The following TNIK variants were observed in gnomAD, a reference collection of about 807,000 sequenced individuals.
TNIK encodes TRAF2 and NCK-interacting protein kinase.
Under a neutral mutation model 191.3 loss-of-function variants are expected in TNIK, and 49 were observed. That is an observed-to-expected ratio of 0.26 (90% CI 0.20 to 0.32). The LOEUF (loss-of-function observed/expected upper bound fraction) is 0.32. Among genes scored for constraint, TNIK ranks in the 10% least tolerant of loss-of-function variants. The probability of loss-of-function intolerance (pLI) is 1.00; values close to 1 mark genes in which losing one functional copy is unlikely to be tolerated. For missense variants in TNIK, 1,155 were observed against 1,702.3 expected (o/e 0.68, Z 5.66); for synonymous variants, 594 against 600.9 (o/e 0.99, Z 0.17).
chr3:171,306,136 CTCACTTA>C (rs1158809556), intron 2 of TNIK, among the ~76,000 whole-genome samples: 1 of 152,128 alleles, frequency 6.6e-6, no homozygotes. Flanking sequence ...ACCACATGTT[CTCACTTA>C]TAAGTGGGAG....
intron 19 of TNIK, among the ~76,000 whole-genome samples, chr3:171,108,722 T>C (rs1312792316): frequency 2.0e-5 from 3 of 152,206 alleles, no homozygotes; most frequent in African/African-American, 7.2e-5. Context: ...AAAAAATTTA[T>C]TTTATTTGGT....
intron 18 of TNIK, among the ~76,000 whole-genome samples, chr3:171,112,246 A>G (rs76953362): frequency 1.4e-4 from 21 of 152,314 alleles, no homozygotes; most frequent in Middle Eastern, 6.8e-3. Context: ...CCATTGGTAG[A>G]CACAAGCATA....
chr3:171,359,561 G>A (rs1197903852), intron 2 of TNIK, among the ~76,000 whole-genome samples: 2 of 152,122 alleles, frequency 1.3e-5, no homozygotes, highest in Non-Finnish European at 2.9e-5. Context: ...AGCAATATCA[G>A]AGGCCACTGC....
intron 2 of TNIK, among the ~76,000 whole-genome samples, chr3:171,256,628 G>C (rs966599604): frequency 1.3e-5 from 2 of 152,172 alleles, no homozygotes; most frequent in African/African-American, 4.8e-5. Flanking sequence ...AGGTCAGAAA[G>C]AACTTTACAA....
chr3:171,417,805 G>C (rs1723283062), intron 1 of TNIK, among the ~76,000 whole-genome samples: 1 of 152,160 alleles, frequency 6.6e-6, no homozygotes. Context: ...AAAGGGCTTT[G>C]AAAGACAAGC....
chr3:171,305,708 A>G (rs1577414679), intron 2 of TNIK, among the ~76,000 whole-genome samples: 1 of 152,302 alleles, frequency 6.6e-6, no homozygotes, highest in Non-Finnish European at 1.5e-5. Context: ...AAAAAGTAAA[A>G]AATTAACAGA....
intron 1 of TNIK, among the ~76,000 whole-genome samples, chr3:171,420,488 T>G (rs1723654831): frequency 6.6e-6 from 1 of 152,194 alleles, no homozygotes; most frequent in Non-Finnish European, 1.5e-5. Context: ...ATGAGAGTTC[T>G]ATTCCCAGCT....
intron 2 of TNIK, among the ~76,000 whole-genome samples, chr3:171,359,147 G>C (rs940755212): frequency 6.6e-6 from 1 of 152,148 alleles, no homozygotes; most frequent in African/African-American, 2.4e-5. Flanking sequence ...ATAAGAGAAA[G>C]AGGTACCACT....
chr3:171,293,382 T>C (rs1205267981), intron 2 of TNIK, among the ~76,000 whole-genome samples: 1 of 152,190 alleles, frequency 6.6e-6, no homozygotes, highest in Non-Finnish European at 1.5e-5. Context: ...TTAGTAAGTC[T>C]TCACTCCCAA....
intron 2 of TNIK, among the ~76,000 whole-genome samples, chr3:171,351,201 A>G (rs1713115058): frequency 6.6e-6 from 1 of 151,804 alleles, no homozygotes; most frequent in Admixed American, 6.6e-5. Context: ...TGCCCTATGT[A>G]TTCTTCATGC....
intron 1 of TNIK, among the ~76,000 whole-genome samples, chr3:171,382,194 A>T (rs1437478092): frequency 6.8e-6 from 1 of 147,552 alleles, no homozygotes; most frequent in Non-Finnish European, 1.5e-5. Context: ...TAGAGGTGGC[A>T]GTCTCTAAGG....
rs1193110026 is a variant in TNIK, at chr3:171,444,658, T to C, written c.57+15349A>G. 3.3e-5 allele frequency among the ~76,000 whole-genome samples: 5 copies of C among 152,084 alleles called. No homozygotes were observed. The East Asian group carries it at 9.6e-4, about 29-fold the overall frequency. On this transcript the variant is annotated intron_variant, in intron 1 of 32. Transcript: ENST00000436636. Reference sequence around the variant, plus strand: ...ATTATCAATTGAAAGTTGTAGACTTTTCAATTTCAAGTATCTTTGAGTCTT... The same window carrying C: ...ATTATCAATTGAAAGTTGTAGACTTCTCAATTTCAAGTATCTTTGAGTCTT...
rs926069046 is a variant in TNIK, at chr3:171,061,744, C to T, written c.*2137G>A. 3.3e-5 allele frequency: 5 copies of T among 152,194 alleles called. No individual in the cohort carries two copies. Among genetic ancestry groups the T allele is most frequent in the Non-Finnish European group, 5.9e-5 (4 of 68,026 alleles). 9.4% of individuals were successfully genotyped at this position (152,194 alleles called of 1,614,324 possible). On this transcript the variant is annotated 3_prime_UTR_variant, in exon 33 of 33. Coordinates refer to ENST00000436636, the MANE Select transcript of TNIK (RefSeq NM_015028.4). ...AATCGAAATCAATATATTTTGTCCA[C>T]ATCAGCATCCAATTACAGTAGTTGT...
Position 171,093,849 on chromosome 3 carries a change from A to G in TNIK, c.2711T>C (p.Met904Thr). The G allele has an allele frequency of 6.2e-7, 1 of 1,613,644 alleles. No homozygotes were observed. Among genetic ancestry groups the G allele is most frequent in the South Asian group, 1.1e-5 (1 of 91,054 alleles). ...SGSISREGTL[M>T]IRETSGEKKR... ...TTTATACCAACTTACCTCTCTAATC[A>G]TCAAGGTTCCTTCTCTTGAAATACT... The change falls in exon 23 of 33, where the codon ATG becomes ACG. Residue 904 changes from methionine (M) to threonine (T), a missense_variant. Transcript: ENST00000436636.
At chr3:171,387,821 T>C (rs975447075) in intron 1 of TNIK, among the ~76,000 whole-genome samples, 2 of 152,144 alleles carry the variant, frequency 1.3e-5, no homozygotes, top group Admixed American at 1.3e-4. Context: ...CAGGAAACAT[T>C]AGTTCTCCCC....
intron 15 of TNIK, among the ~76,000 whole-genome samples, chr3:171,135,520 T>G (rs1729864666): frequency 6.6e-6 from 1 of 152,344 alleles, no homozygotes; most frequent in South Asian, 2.1e-4. Flanking sequence ...ACTCTAAGAC[T>G]TGGGAACTGT....
At chr3:171,295,033 A>T (rs1752119804) in intron 2 of TNIK, among the ~76,000 whole-genome samples, 3 of 148,194 alleles carry the variant, frequency 2.0e-5, no homozygotes, top group Admixed American at 1.3e-4. Context: ...GAGAGGAAAA[A>T]AAAAGAATAG....
chr3:171,236,709 T>G (rs180748882), intron 2 of TNIK, among the ~76,000 whole-genome samples: 14 of 152,300 alleles, frequency 9.2e-5, no homozygotes, highest in African/African-American at 3.4e-4. Flanking sequence ...AAGGACTACT[T>G]TATGAGGCAA....
chr3:171,457,480 C>G (rs1027114114), intron 1 of TNIK, among the ~76,000 whole-genome samples: 14 of 152,222 alleles, frequency 9.2e-5, no homozygotes, highest in African/African-American at 3.1e-4. Flanking sequence ...GGCTGCATTT[C>G]AGGGGTCAGG....
Sources: allele counts gnomAD v4.1 joint callset (sites outside exome capture counted in the v4.1 genomes callset), GRCh38; gene constraint gnomAD v4.1.1; transcripts MANE v1.5; gene names NCBI Gene and HGNC (gene_info 2026-07-23, HGNC 2026-07-21).